The following SDK1 variants were observed in gnomAD, a reference collection of about 807,000 sequenced individuals.
SDK1 encodes the protein sidekick cell adhesion molecule 1, also known as protein sidekick-1.
SDK1 carries 157 observed loss-of-function variants against 245.5 expected under a neutral mutation model. The observed-to-expected ratio is 0.64, with a 90% CI of 0.56 to 0.73. The LOEUF (loss-of-function observed/expected upper bound fraction) is 0.73, where lower values mean the gene tolerates loss of function less well. Ranked by LOEUF, SDK1 falls within the 30% of genes least tolerant of loss-of-function variation. The pLI is 0.00. For missense variants in SDK1, 3,583 were observed against 3,002.3 expected, an observed-to-expected ratio of 1.19 and a Z score of -4.52; for synonymous variants, 1,647 against 1,278.5, an observed-to-expected ratio of 1.29 and a Z score of -6.15.
rs1783298422 is a variant in SDK1 at position 3,659,811 on chromosome 7, G to C, written c.713+17706G>C. ...GGGACTGGCAGCCCAGATGAAGACA[G>C]GGTGGATGACGTGGAGAAAAGTGGA... On this transcript the variant is annotated intron_variant, in intron 4 of 44. Transcript: ENST00000404826. Among the ~76,000 whole-genome samples the C allele has an allele frequency of 4.6e-5, 7 of 152,350 alleles. 1 individual carries two copies. The South Asian group carries it at 1.4e-3, about 32-fold the overall frequency.
At position 4,189,347 on chromosome 7, in the gene SDK1, T is replaced by A. The variant is rs369200484; in HGVS notation, c.5098+10761T>A. On this transcript the variant is annotated intron_variant, in intron 35 of 44. Coordinates refer to ENST00000404826, the MANE Select transcript of SDK1 (RefSeq NM_152744.4). ...TCGCAGCTCAAGGCTGAGGCTCACA[T>A]GGTTACTCAGGCATGTTAAATATTA... Among the ~76,000 whole-genome samples the A allele has an allele frequency of 5.1e-4, 78 of 152,276 alleles. 1 individual carries two copies. The South Asian group carries it at 0.016, about 31-fold the overall frequency.
intron 4 of SDK1, among the ~76,000 whole-genome samples, chr7:3,780,025 C>G (rs1328539981): frequency 6.6e-6 from 1 of 152,178 alleles, no homozygotes; most frequent in Non-Finnish European, 1.5e-5. Context: ...TCCCCTGACC[C>G]CCACACACCA....
At position 4,174,133 on chromosome 7, in the gene SDK1, CTAGT is replaced by C; in HGVS notation, c.4801-86_4801-83del. 6 of 1,415,780 alleles carry C rather than the reference CTAGT, an allele frequency of 4.2e-6. No individual in the cohort carries two copies. In the East Asian group the frequency reaches 9.2e-5, roughly 22 times the overall value. 87.7% of individuals were successfully genotyped at this position (1,415,780 alleles called of 1,614,324 possible). ...CCACGACTTTCTTCTGTGCAGCTGG[CTAGT>C]TAAACAGGGGTGGAGGTGAGCCCTG... On this transcript the variant is annotated intron_variant, in intron 32 of 44. Coordinates refer to ENST00000404826, the MANE Select transcript of SDK1 (RefSeq NM_152744.4).
chr7:4,100,607 C>T (rs1317173198), intron 22 of SDK1, among the ~76,000 whole-genome samples: 1 of 152,164 alleles, frequency 6.6e-6, no homozygotes, highest in Non-Finnish European at 1.5e-5. Context: ...GACACAGGGG[C>T]ATTTGGCCAT....
intron 4 of SDK1, among the ~76,000 whole-genome samples, chr7:3,811,182 C>T (rs907025096): frequency 6.6e-6 from 1 of 152,162 alleles, no homozygotes; most frequent in South Asian, 2.1e-4. Context: ...TCATCAGTGT[C>T]CTTTTGATGT....
At chr7:3,567,196 C>G (rs924801177) in intron 1 of SDK1, among the ~76,000 whole-genome samples, 1 of 152,160 alleles carries the variant, frequency 6.6e-6, no homozygotes, top group African/African-American at 2.4e-5. Context: ...TTCGTGTTAT[C>G]TACTTAAGGA....
intron 4 of SDK1, among the ~76,000 whole-genome samples, chr7:3,728,429 C>T (rs1348293218): frequency 6.6e-6 from 1 of 152,168 alleles, no homozygotes; most frequent in Non-Finnish European, 1.5e-5. Context: ...ATGTGCTCAC[C>T]ACCTCTTAGC....
chr7:3,843,987 A>C (rs1345613988), intron 5 of SDK1, among the ~76,000 whole-genome samples: 1 of 152,184 alleles, frequency 6.6e-6, no homozygotes, highest in African/African-American at 2.4e-5. Flanking sequence ...TTATTTATTT[A>C]TTAGACAGAG....
rs972097251 is a variant in SDK1 at position 4,237,541 on chromosome 7, G to T, written c.5993-106G>T. ...CATTGGTTTCATCTCACCTGTAACT[G>T]GGAGTTATCTACCCCAGCCTTCCCT... On this transcript the variant is annotated intron_variant, in intron 41 of 44. Coordinates refer to ENST00000404826, the MANE Select transcript of SDK1 (RefSeq NM_152744.4). The T allele has an allele frequency of 1.3e-5, 17 of 1,285,890 alleles. No individual in the cohort carries two copies. The African/African-American group carries it at 1.6e-4, about 12-fold the overall frequency. The allele number at this position is 1,285,890 out of a possible 1,614,324, so 79.7% of individuals were successfully genotyped here.
At chr7:3,603,860 A>G (rs2128639615) in intron 1 of SDK1, among the ~76,000 whole-genome samples, 1 of 152,286 alleles carries the variant, frequency 6.6e-6, no homozygotes, top group South Asian at 2.1e-4. Context: ...ACGTCCCATC[A>G]ATACCTAATT....
In SDK1 at chr7:4,268,633, G is replaced by A. The variant is rs1788616548; in HGVS notation, c.*3249G>A. 8 of 1,367,700 alleles carry A rather than the reference G, an allele frequency of 5.8e-6. No homozygotes were observed. The highest frequency in any genetic ancestry group is 4.9e-6 in the Non-Finnish European group (5 of 1,021,908). 84.7% of individuals were successfully genotyped at this position (1,367,700 alleles called of 1,614,324 possible). On this transcript the variant is annotated 3_prime_UTR_variant, in exon 45 of 45. Coordinates refer to ENST00000404826, the MANE Select transcript of SDK1 (RefSeq NM_152744.4). ...GGCTGAAGCATGATGTTTGCCTAAT[G>A]GTTCGTAGCATGGTTTTTATTTCTT...
chr7:3,521,352 A>G (rs1252236280), intron 1 of SDK1, among the ~76,000 whole-genome samples: 5 of 152,208 alleles, frequency 3.3e-5, no homozygotes, highest in African/African-American at 1.2e-4. Context: ...AAAGTAACAG[A>G]TTCATGGGTT....
chr7:3,669,794 T>C (rs1338946054), intron 4 of SDK1, among the ~76,000 whole-genome samples: 2 of 152,226 alleles, frequency 1.3e-5, no homozygotes, highest in Non-Finnish European at 2.9e-5. Flanking sequence ...TTCAACAGCC[T>C]ATTCATTGTA....
rs375424679 is a variant in SDK1 at position 4,205,961 on chromosome 7, G to A, written c.5181G>A (p.Pro1727=). 3.9e-5 allele frequency: 61 copies of A among 1,560,094 alleles called. No individual in the cohort carries two copies. The highest frequency in any genetic ancestry group is 2.4e-4 in the African/African-American group (18 of 73,558). The change falls in exon 36 of 45, where the codon CCG becomes CCA. Residue 1727 remains proline (P), a synonymous_variant. Transcript: ENST00000404826. ...QLEVTWDPPP[P]ESQNGNIQGY... is the part of the protein sequence containing the mutation. Reference sequence around the variant, plus strand: ...AGGTCACGTGGGACCCACCACCCCCGGAGAGCCAGAATGGGAACATCCAAG... The same window carrying A: ...AGGTCACGTGGGACCCACCACCCCCAGAGAGCCAGAATGGGAACATCCAAG...
chr7:4,140,155 C>G (rs975902145), intron 28 of SDK1, among the ~76,000 whole-genome samples: 6 of 152,294 alleles, frequency 3.9e-5, no homozygotes, highest in African/African-American at 1.4e-4. Flanking sequence ...TCCTGCAGGC[C>G]TTCTCTGCCG....
intron 1 of SDK1, among the ~76,000 whole-genome samples, chr7:3,371,569 C>A (rs912533018): frequency 5.3e-5 from 8 of 152,080 alleles, no homozygotes; most frequent in East Asian, 3.8e-4. Context: ...TAAAAGAATG[C>A]GAGGAAACCA....
intron 4 of SDK1, among the ~76,000 whole-genome samples, chr7:3,793,009 A>G (rs1469627066): frequency 6.6e-6 from 1 of 152,210 alleles, no homozygotes; most frequent in South Asian, 2.1e-4. Flanking sequence ...TCATTTCACA[A>G]TGATACTGAG....
chr7:4,136,224 C>T (rs1013321718), intron 28 of SDK1, among the ~76,000 whole-genome samples: 6 of 152,316 alleles, frequency 3.9e-5, no homozygotes, highest in Admixed American at 6.5e-5. Context: ...AATTGTAATG[C>T]ATGTTGTCCG....
chr7:4,015,289 A>C (rs1786306361), intron 16 of SDK1, among the ~76,000 whole-genome samples: 1 of 152,144 alleles, frequency 6.6e-6, no homozygotes, highest in African/African-American at 2.4e-5. Flanking sequence ...CTTCCCTGGA[A>C]TGTGCATTGT....
Sources: allele counts gnomAD v4.1 joint callset (sites outside exome capture counted in the v4.1 genomes callset), GRCh38; gene constraint gnomAD v4.1.1; transcripts MANE v1.5; gene names NCBI Gene and HGNC (gene_info 2026-07-23, HGNC 2026-07-21).